SLC1A2: variants seen among roughly 807,000 people sequenced by gnomAD.
SLC1A2 encodes excitatory amino acid transporter 2.
A neutral mutation model predicts 48.8 loss-of-function variants in SLC1A2; 15 were observed. That is an observed-to-expected ratio of 0.31 (90% CI 0.21 to 0.47). The LOEUF (loss-of-function observed/expected upper bound fraction) is 0.47. Among genes scored for constraint, SLC1A2 ranks in the 20% least tolerant of loss-of-function variants. The pLI, the probability that SLC1A2 is intolerant of heterozygous loss-of-function variation, is 0.99. For missense variants in SLC1A2, 502 were observed against 730.5 expected, an observed-to-expected ratio of 0.69 and a Z score of 3.61; for synonymous variants, 279 against 272.6, an observed-to-expected ratio of 1.02 and a Z score of -0.23.
chr11:35,323,727 C>T (rs79523749), intron 1 of SLC1A2, among the ~76,000 whole-genome samples: 2,829 of 152,244 alleles, frequency 0.019, 39 homozygotes, highest in Non-Finnish European at 0.029. Flanking sequence ...TAGAGATGAG[C>T]GACAAACCAA....
At chr11:35,317,789 T>C (rs540370904) in intron 1 of SLC1A2, among the ~76,000 whole-genome samples, 8 of 152,278 alleles carry the variant, frequency 5.3e-5, no homozygotes, top group African/African-American at 1.9e-4. Flanking sequence ...GGAAGGAAGT[T>C]ATCATGTTAC....
intron 1 of SLC1A2, among the ~76,000 whole-genome samples, chr11:35,402,780 T>C (rs1339149256): frequency 6.6e-6 from 1 of 152,218 alleles, no homozygotes; most frequent in Non-Finnish European, 1.5e-5. Flanking sequence ...ACCTGCCTGG[T>C]GTCGGGAAAG....
chr11:35,413,585 G>A (rs771024215), intron 1 of SLC1A2: 1 of 152,048 alleles, frequency 6.6e-6, no homozygotes, highest in Non-Finnish European at 1.5e-5. Flanking sequence ...TTTTTTTTAA[G>A]GTAAAAGTAA....
chr11:35,377,770 G>A (rs1854291978), intron 1 of SLC1A2, among the ~76,000 whole-genome samples: 1 of 152,202 alleles, frequency 6.6e-6, no homozygotes, highest in Non-Finnish European at 1.5e-5. Flanking sequence ...TTTGCCTGTC[G>A]TATTTGTCAA....
At chr11:35,364,181 A>T (rs1407031594) in intron 1 of SLC1A2, among the ~76,000 whole-genome samples, 8 of 152,174 alleles carry the variant, frequency 5.3e-5, no homozygotes, top group Non-Finnish European at 1.2e-4. Flanking sequence ...GGAGCTGGCA[A>T]GCAGCCTCTT....
chr11:35,370,276 G>A (rs891518912), intron 1 of SLC1A2, among the ~76,000 whole-genome samples: 2 of 152,192 alleles, frequency 1.3e-5, no homozygotes, highest in Non-Finnish European at 2.9e-5. Context: ...AAGAACTGGG[G>A]CTAGGTTTAT....
intron 1 of SLC1A2, among the ~76,000 whole-genome samples, chr11:35,405,383 A>G (rs998139692): frequency 6.6e-6 from 1 of 151,730 alleles, no homozygotes; most frequent in African/African-American, 2.4e-5. Context: ...GCTTCTGGTA[A>G]CTTTTCTTTT....
chr11:35,323,773 TG>T (rs1262246034), intron 1 of SLC1A2, among the ~76,000 whole-genome samples: 1 of 152,258 alleles, frequency 6.6e-6, no homozygotes, highest in African/African-American at 2.4e-5. Flanking sequence ...TTGATGTTTT[TG>T]TGTTCCTTTT....
At position 35,313,634 on chromosome 11, in the gene SLC1A2, G is replaced by A. The variant is rs151120770; in HGVS notation, c.311-1186C>T. Among the ~76,000 whole-genome samples, 209 of 152,282 alleles carry A rather than the reference G, an allele frequency of 1.4e-3. 1 individual carries two copies. The highest frequency in any genetic ancestry group is 4.8e-3 in the African/African-American group (198 of 41,556). On this transcript the variant is annotated intron_variant, in intron 3 of 10. Coordinates refer to ENST00000278379, the MANE Select transcript of SLC1A2 (RefSeq NM_004171.4). ...GTGACCTACTTCTCTTTACAACCTA[G>A]TCTAATTCTAGCCGACGGGAGCTAG...
At chr11:35,266,306 C>T (rs1277727610) in intron 9 of SLC1A2, among the ~76,000 whole-genome samples, 2 of 152,208 alleles carry the variant, frequency 1.3e-5, no homozygotes, top group Non-Finnish European at 2.9e-5. Flanking sequence ...TTTCTCCCTG[C>T]ACCTGCTTCC....
At chr11:35,267,177 A>G (rs898501463) in intron 9 of SLC1A2, among the ~76,000 whole-genome samples, 1 of 152,196 alleles carries the variant, frequency 6.6e-6, no homozygotes, top group Admixed American at 6.5e-5. Context: ...AATTGCTAAG[A>G]AGCCCCAGTA....
intron 1 of SLC1A2, among the ~76,000 whole-genome samples, chr11:35,326,374 C>T (rs1208614092): frequency 6.6e-6 from 1 of 152,210 alleles, no homozygotes; most frequent in Non-Finnish European, 1.5e-5. Flanking sequence ...GGCCCTCAGG[C>T]CTGGGAGTTT....
chr11:35,412,870 G>A (rs1054096801), intron 1 of SLC1A2, among the ~76,000 whole-genome samples: 2 of 152,164 alleles, frequency 1.3e-5, no homozygotes, highest in African/African-American at 4.8e-5. Flanking sequence ...ACTGCCTCTA[G>A]ACCAGACAAC....
intron 1 of SLC1A2, among the ~76,000 whole-genome samples, chr11:35,320,778 C>A (rs1852032975): frequency 6.6e-6 from 1 of 152,144 alleles, no homozygotes; most frequent in Admixed American, 6.5e-5. Flanking sequence ...CTAGTGGGCC[C>A]ATATTACAGG....
intron 1 of SLC1A2, among the ~76,000 whole-genome samples, chr11:35,333,271 G>T (rs765966812): frequency 1.3e-5 from 2 of 151,976 alleles, no homozygotes; most frequent in African/African-American, 4.8e-5. Flanking sequence ...ACTAAAATTA[G>T]CCAGGTGTGG....
chr11:35,392,891 C>T (rs562337776), intron 1 of SLC1A2, among the ~76,000 whole-genome samples: 4 of 152,310 alleles, frequency 2.6e-5, no homozygotes, highest in Non-Finnish European at 5.9e-5. Context: ...GTATTAAGCA[C>T]ACCAGGGCTT....
At chr11:35,262,912 C>A (rs1363426332) in intron 10 of SLC1A2, among the ~76,000 whole-genome samples, 3 of 152,290 alleles carry the variant, frequency 2.0e-5, no homozygotes, top group African/African-American at 7.2e-5. Flanking sequence ...GCTGGCTAAC[C>A]ATTTACATAG....
intron 1 of SLC1A2, among the ~76,000 whole-genome samples, chr11:35,410,230 T>A (rs1221318753): frequency 1.3e-5 from 2 of 152,204 alleles, no homozygotes; most frequent in Non-Finnish European, 1.5e-5. Context: ...ATAAAATAAA[T>A]CAAGCTAATT....
chr11:35,285,422 G>T (rs1351116263), intron 8 of SLC1A2: 1 of 152,202 alleles, frequency 6.6e-6, no homozygotes, highest in Non-Finnish European at 1.5e-5. Context: ...CATCATGGAG[G>T]ATGAAAGTGT....
Sources: gnomAD v4.1 joint callset for allele counts (sites outside exome capture counted in the v4.1 genomes callset) on GRCh38, gnomAD v4.1.1 for gene constraint, MANE v1.5 for transcripts, NCBI Gene and HGNC (gene_info 2026-07-23, HGNC 2026-07-21) for gene names.